ADGRV1: variants seen among roughly 807,000 people sequenced by gnomAD.
ADGRV1 encodes adhesion G protein-coupled receptor V1, also known as G-protein coupled receptor 98.
ADGRV1 carries 359 observed loss-of-function variants against 596.2 expected under a neutral mutation model. That is an observed-to-expected ratio of 0.60 (90% CI 0.55 to 0.66). The LOEUF (loss-of-function observed/expected upper bound fraction) is 0.66. ADGRV1 is among the 30% of genes least tolerant of loss of function. ADGRV1 has a pLI of 0.00. For missense variants in ADGRV1, 7,274 were observed against 7,575.6 expected, an observed-to-expected ratio of 0.96 and a Z score of 1.48; for synonymous variants, 2,681 against 2,679.2, an observed-to-expected ratio of 1.00 and a Z score of -0.02.
At chr5:90,686,104 A>G (rs1389533310) in intron 29 of ADGRV1, 109 bp downstream of exon 29, 30 of 515,928 alleles carry the variant, frequency 5.8e-5, no homozygotes, top group Non-Finnish European at 8.4e-5. Context: ...ATAATCAACT[A>G]GAAAACTAGA....
chr5:90,562,611 T>C (rs1754998421), intron 1 of ADGRV1, among the ~76,000 whole-genome samples: 1 of 152,174 alleles, frequency 6.6e-6, no homozygotes, highest in Non-Finnish European at 1.5e-5. Flanking sequence ...CAGTCACGCG[T>C]AAGTCTGGCT....
chr5:90,675,801 G>A (rs1360166804), intron 24 of ADGRV1, among the ~76,000 whole-genome samples: 45 of 144,218 alleles, frequency 3.1e-4, no homozygotes, highest in African/African-American at 1.1e-3. Context: ...AATAAAAAAA[G>A]AAAAAAGAAA....
chr5:90,937,903 T>C (rs1275095071), intron 83 of ADGRV1, among the ~76,000 whole-genome samples: 4 of 152,242 alleles, frequency 2.6e-5, no homozygotes, highest in Non-Finnish European at 5.9e-5. Context: ...TAGCATATTC[T>C]TTTAATACCT....
At chr5:91,115,916 C>T (rs1295489367) in intron 87 of ADGRV1, among the ~76,000 whole-genome samples, 1 of 151,858 alleles carries the variant, frequency 6.6e-6, no homozygotes, top group Non-Finnish European at 1.5e-5. Context: ...CATTGTACTC[C>T]AGCCTGGGTG....
At chr5:90,582,573 A>AT (rs1758208640) in intron 1 of ADGRV1, among the ~76,000 whole-genome samples, 1 of 151,786 alleles carries the variant, frequency 6.6e-6, no homozygotes, top group Non-Finnish European at 1.5e-5. Context: ...ACTTTGATAA[A>AT]TTTTTTTTAG....
chr5:90,591,260 A>G lies in ADGRV1; in HGVS notation c.23-23575A>G, dbSNP rs184436925. 4.7e-3 allele frequency among the ~76,000 whole-genome samples: 718 copies of G among 152,196 alleles called. 5 individuals carry two copies. Among genetic ancestry groups the G allele is most frequent in the African/African-American group, 0.016 (677 of 41,500 alleles). ...TACAAAAAATTAGTCAGGCCTGGTT[A>G]CAAGCCATACTTGTAATCCCAGCTA... On this transcript the variant is annotated intron_variant, in intron 1 of 89. Coordinates refer to ENST00000405460, the MANE Select transcript of ADGRV1 (RefSeq NM_032119.4).
chr5:90,583,687 A>C (rs1268135865), intron 1 of ADGRV1, among the ~76,000 whole-genome samples: 1 of 152,188 alleles, frequency 6.6e-6, no homozygotes, highest in African/African-American at 2.4e-5. Context: ...TACCTTGCAA[A>C]TGGTAAATCA....
chr5:90,871,544 T>C (rs1304023699), intron 83 of ADGRV1, among the ~76,000 whole-genome samples: 1 of 152,204 alleles, frequency 6.6e-6, no homozygotes, highest in East Asian at 1.9e-4. Flanking sequence ...ATATTCTGAA[T>C]GAGGCTACAG....
chr5:90,846,702 A>T (rs941813347), intron 78 of ADGRV1: 1 of 152,532 alleles, frequency 6.6e-6, no homozygotes, highest in African/African-American at 2.4e-5. Flanking sequence ...AGCAGTAGCA[A>T]GATTTATTGC....
chr5:90,584,457 G>C lies in ADGRV1; in HGVS notation c.22+25540G>C, dbSNP rs138709327. Among the ~76,000 whole-genome samples, 534 of 152,316 alleles carry C rather than the reference G, an allele frequency of 3.5e-3. 5 individuals are homozygous for C. Among genetic ancestry groups the C allele is most frequent in the African/African-American group, 0.012 (501 of 41,560 alleles). ...ATAACCAACTTCTCTAAAAATTAATGACTTAAAATAACCACTTGTTTTGCT... is the reference window on the plus strand; with the variant it reads ...ATAACCAACTTCTCTAAAAATTAATCACTTAAAATAACCACTTGTTTTGCT... On this transcript the variant is annotated intron_variant, in intron 1 of 89. Transcript: ENST00000405460.
At chr5:90,982,822 C>T (rs370663122) in intron 84 of ADGRV1, among the ~76,000 whole-genome samples, 189 of 152,208 alleles carry the variant, frequency 1.2e-3, no homozygotes, top group African/African-American at 4.2e-3. Flanking sequence ...GCACACTGAG[C>T]GCACTCTGCA....
chr5:90,953,719 A>G (rs1054296790), intron 83 of ADGRV1, among the ~76,000 whole-genome samples: 4 of 152,160 alleles, frequency 2.6e-5, no homozygotes, highest in African/African-American at 9.6e-5. Flanking sequence ...AATTTGAAGT[A>G]AAAGTTTGAA....
chr5:90,866,431 C>T (rs1360093489), intron 83 of ADGRV1, among the ~76,000 whole-genome samples: 1 of 151,642 alleles, frequency 6.6e-6, no homozygotes, highest in African/African-American at 2.4e-5. Context: ...TGGAGTTTGT[C>T]ATTATAGCAC....
At chr5:90,660,827 A>T (rs1770168355) in intron 21 of ADGRV1, among the ~76,000 whole-genome samples, 1 of 152,246 alleles carries the variant, frequency 6.6e-6, no homozygotes, top group Non-Finnish European at 1.5e-5. Context: ...TGATAGCATA[A>T]TGACATCTTA....
At chr5:91,107,862 T>C (rs1310008330) in intron 87 of ADGRV1, among the ~76,000 whole-genome samples, 3 of 152,186 alleles carry the variant, frequency 2.0e-5, no homozygotes, top group Non-Finnish European at 4.4e-5. Flanking sequence ...TATTGAGCTC[T>C]TATGGAGGTT....
intron 20 of ADGRV1, among the ~76,000 whole-genome samples, chr5:90,657,302 G>A (rs1769551091): frequency 6.6e-6 from 1 of 151,766 alleles, no homozygotes; most frequent in Non-Finnish European, 1.5e-5. Flanking sequence ...AGGCCTGGCA[G>A]TGGACTCCTG....
Position 90,776,477 on chromosome 5 carries a change from G to T in ADGRV1, c.12428G>T (p.Gly4143Val). Residue 4143 changes from glycine (G) to valine (V), a missense_variant, in exon 61 of 90, where the codon GGT becomes GTT. Gly to Val is a moderately radical substitution (Grantham distance 109). Transcript: ENST00000405460. ...GGTAGTGCATCAATAATTATTCGGG[G>T]TGATAAGCGAGCATCAGGAGAAGTT... ...VKGSASIIIR[G>V]DKRASGEVGI... The T allele has an allele frequency of 6.2e-7, 1 of 1,613,064 alleles. No homozygotes were observed. Among genetic ancestry groups the T allele is most frequent in the Non-Finnish European group, 8.5e-7 (1 of 1,179,368 alleles).
At chr5:90,731,266 AG>A (rs942710503) in intron 50 of ADGRV1, among the ~76,000 whole-genome samples, 8 of 152,224 alleles carry the variant, frequency 5.3e-5, no homozygotes, top group Non-Finnish European at 1.0e-4. Flanking sequence ...GAGAGCGCGA[AG>A]GGGGAAGTGC....
intron 83 of ADGRV1, among the ~76,000 whole-genome samples, chr5:90,911,070 T>C (rs1772840162): frequency 6.6e-6 from 1 of 152,214 alleles, no homozygotes; most frequent in South Asian, 2.1e-4. Flanking sequence ...CAGCGAGTAA[T>C]TCGTGTGTTT....
Sources: allele counts gnomAD v4.1 joint callset (sites outside exome capture counted in the v4.1 genomes callset), GRCh38; gene constraint gnomAD v4.1.1; transcripts MANE v1.5; gene names NCBI Gene and HGNC (gene_info 2026-07-23, HGNC 2026-07-21).